TRIM45: variants seen among roughly 807,000 people sequenced by gnomAD.
TRIM45 encodes E3 ubiquitin-protein ligase TRIM45.
Under a neutral mutation model 46.7 loss-of-function variants are expected in TRIM45, and 45 were observed. The ratio of observed to expected loss-of-function variants is 0.96; its 90% confidence interval spans 0.76 to 1.24. The LOEUF (loss-of-function observed/expected upper bound fraction) is 1.24, where lower values mean the gene tolerates loss of function less well. TRIM45 is among the 50% of genes most tolerant of loss of function. The pLI is 0.00. For synonymous variants in TRIM45, 259 were observed against 285.8 expected, an observed-to-expected ratio of 0.91 and a Z score of 0.94; for missense variants, 680 against 728.4, an observed-to-expected ratio of 0.93 and a Z score of 0.77.
chr1:117,112,948 C>T (rs1650274103), intron 5 of TRIM45, among the ~76,000 whole-genome samples: 1 of 152,040 alleles, frequency 6.6e-6, no homozygotes, highest in South Asian at 2.1e-4. Context: ...CCTTTCTGTC[C>T]CCCGAAAGAC....
rs1650519648 is a variant in TRIM45, at chr1:117,118,961, A to G, written c.489-194T>C. Among the ~76,000 whole-genome samples the G allele has an allele frequency of 6.6e-6, 1 of 152,240 alleles. No homozygotes were observed. Among genetic ancestry groups the G allele is most frequent in the Non-Finnish European group, 1.5e-5 (1 of 68,042 alleles). The stretch of plus-strand genomic sequence containing the variant: ...ACAGTGGGGACAATACCTACCTGAA[A>G]GAGCTGTTGTATAGAATAACGTGTG... On this transcript the variant is annotated intron_variant, in intron 1 of 5. Transcript: ENST00000256649. This position sits in a 1 kb window ranked among gnomAD's most constrained non-coding sequence, Gnocchi z 5.7.
At chr1:117,121,894 G>T (rs915707422), upstream of TRIM45, 3 of 712,378 alleles carry the variant, frequency 4.2e-6, no homozygotes, top group Non-Finnish European at 7.8e-6. The surrounding 1 kb of genome is among the most constrained non-coding windows in gnomAD (Gnocchi z 4.2). Flanking sequence ...CCACATCTTC[G>T]CCAGTCCACT....
At position 117,117,376 on chromosome 1, in the gene TRIM45, G is replaced by C. The variant is rs1164268776; in HGVS notation, c.1223-631C>G. Among the ~76,000 whole-genome samples the C allele has an allele frequency of 6.6e-6, 1 of 152,196 alleles. No homozygotes were observed. The highest frequency in any genetic ancestry group is 1.5e-5 in the Non-Finnish European group (1 of 68,034). On this transcript the variant is annotated intron_variant, in intron 2 of 5. Coordinates refer to ENST00000256649, the MANE Select transcript of TRIM45 (RefSeq NM_025188.4). The surrounding 1 kb of genome is among the most constrained non-coding windows in gnomAD (Gnocchi z 4.9). Reference sequence around the variant, plus strand: ...CTGTAGGAGAGAACATTCTCAAAGAGATCTATGGCTTCCAAACAGTTAAGA... The same window carrying C: ...CTGTAGGAGAGAACATTCTCAAAGACATCTATGGCTTCCAAACAGTTAAGA...
At chr1:117,121,958 G>C (rs1650660966), upstream of TRIM45, 2 of 634,194 alleles carry the variant, frequency 3.2e-6, no homozygotes, top group Non-Finnish European at 5.8e-6. This position sits in a 1 kb window ranked among gnomAD's most constrained non-coding sequence, Gnocchi z 4.2. Flanking sequence ...GAAGGGCTTA[G>C]AGTGCGGCGG....
chr1:117,120,866 G>T lies in TRIM45; in HGVS notation c.336C>A (p.Thr112=). ...DLPMGGVKAL[T]IDHLAVNDVM... ...CATCATTCACGGCCAGGTGGTCTAT[G>T]GTTAAAGCCTTCACTCCACCCATGG... is the stretch of plus-strand genomic sequence containing the variant. The change falls in exon 1 of 6, where the codon ACC becomes ACA. Residue 112 remains threonine (T), a synonymous_variant. Coordinates refer to ENST00000256649, the MANE Select transcript of TRIM45 (RefSeq NM_025188.4). 6.2e-7 allele frequency: 1 copy of T among 1,614,182 alleles called. No homozygotes were observed. The highest frequency in any genetic ancestry group is 8.5e-7 in the Non-Finnish European group (1 of 1,180,038).
Position 117,116,838 on chromosome 1 carries a change from A to G in TRIM45, c.1223-93T>C. ...TTTTCTCTTCAGAACAAAGGGTTGTACTTTACTGTAACCACCCTGGGTCCC... is the reference window on the plus strand; with the variant it reads ...TTTTCTCTTCAGAACAAAGGGTTGTGCTTTACTGTAACCACCCTGGGTCCC... On this transcript the variant is annotated intron_variant, in intron 2 of 5. Coordinates refer to ENST00000256649, the MANE Select transcript of TRIM45 (RefSeq NM_025188.4). The surrounding 1 kb of genome is among the most constrained non-coding windows in gnomAD (Gnocchi z 4.6). 6.5e-7 allele frequency: 1 copy of G among 1,549,870 alleles called. No homozygotes were observed. Among genetic ancestry groups the G allele is most frequent in the Non-Finnish European group, 8.8e-7 (1 of 1,137,956 alleles).
chr1:117,121,206 C>T lies in TRIM45; in HGVS notation c.-5G>A. On this transcript the variant is annotated 5_prime_UTR_variant, in exon 1 of 6. Transcript: ENST00000256649. This position sits in a 1 kb window ranked among gnomAD's most constrained non-coding sequence, Gnocchi z 4.2. ...CGGTTTTCTGTTTTCTGACATACTC[C>T]TCACGTTTGTGACCAATATTAGAAA... is the stretch of plus-strand genomic sequence containing the variant. 3 of 1,535,046 alleles carry T rather than the reference C, an allele frequency of 2.0e-6. No individual in the cohort carries two copies. The highest frequency in any genetic ancestry group is 2.6e-6 in the Non-Finnish European group (3 of 1,147,690).
chr1:117,121,988 G>A, upstream of TRIM45: 1 of 602,080 alleles, frequency 1.7e-6, no homozygotes. The surrounding 1 kb of genome is among the most constrained non-coding windows in gnomAD (Gnocchi z 4.2). Context: ...GCCAAGGCTC[G>A]GAGCGAGCGG....
At position 117,121,608 on chromosome 1, in the gene TRIM45, G is replaced by A; in HGVS notation, c.-407C>T. Reference sequence around the variant, plus strand: ...CACGCGACAAGCGCCGACCCCACCCGCGCACGATGAGGTAGGGGCCCTCTT... The same window carrying A: ...CACGCGACAAGCGCCGACCCCACCCACGCACGATGAGGTAGGGGCCCTCTT... On this transcript the variant is annotated 5_prime_UTR_variant, in exon 1 of 6. Coordinates refer to ENST00000256649, the MANE Select transcript of TRIM45 (RefSeq NM_025188.4). This position sits in a 1 kb window ranked among gnomAD's most constrained non-coding sequence, Gnocchi z 4.2. 3.8e-6 allele frequency: 1 copy of A among 264,582 alleles called. No homozygotes were observed. The highest frequency in any genetic ancestry group is 3.3e-5 in the South Asian group (1 of 30,042). 16.4% of individuals were successfully genotyped at this position (264,582 alleles called of 1,614,324 possible). A position where few individuals can be genotyped will look rare whatever the true frequency, so the allele number is the denominator to read the frequency against.
At chr1:117,112,582 T>C in intron 5 of TRIM45, 129 bp from the exon 6 acceptor site, 1 of 918,852 alleles carries the variant, frequency 1.1e-6, no homozygotes, top group Non-Finnish European at 1.6e-6. Flanking sequence ...TAAGAAAATC[T>C]TGGCAAGAGG....
At chr1:117,121,819 CGCCGCTCCGG>C, upstream of TRIM45, 1 of 713,848 alleles carries the variant, frequency 1.4e-6, no homozygotes, top group Non-Finnish European at 2.6e-6. This position sits in a 1 kb window ranked among gnomAD's most constrained non-coding sequence, Gnocchi z 4.2. Flanking sequence ...CGGCGGCCCT[CGCCGCTCCGG>C]GCCCCGCCGC....
intron 1 of TRIM45, among the ~76,000 whole-genome samples, chr1:117,119,324 G>A (rs1650529883): frequency 6.6e-6 from 1 of 152,196 alleles, no homozygotes. Context: ...GCGTGAAACC[G>A]GCCGGGCGCG....
chr1:117,118,323 C>T lies in TRIM45; in HGVS notation c.933G>A (p.Gln311=). ...DIRAQKENSL[Q]LQKAQLEQLL... Reference sequence around the variant, plus strand: ...ACTGTTCCAGCTGGGCCTTCTGCAGCTGCAGGGAATTTTCCTTCTGGGCCC... The same window carrying T: ...ACTGTTCCAGCTGGGCCTTCTGCAGTTGCAGGGAATTTTCCTTCTGGGCCC... Residue 311 remains glutamine, a synonymous_variant, in exon 2 of 6, where the codon CAG becomes CAA. Coordinates refer to ENST00000256649, the MANE Select transcript of TRIM45 (RefSeq NM_025188.4). The surrounding 1 kb of genome is among the most constrained non-coding windows in gnomAD (Gnocchi z 5.7). 6.2e-7 allele frequency: 1 copy of T among 1,614,178 alleles called. No individual in the cohort carries two copies. Among genetic ancestry groups the T allele is most frequent in the Non-Finnish European group, 8.5e-7 (1 of 1,180,034 alleles).
Position 117,113,565 on chromosome 1 carries a change from G to T in TRIM45, c.1468-80C>A, listed in dbSNP as rs1487995243. On this transcript the variant is annotated intron_variant, in intron 4 of 5. Transcript: ENST00000256649. The surrounding 1 kb of genome is among the most constrained non-coding windows in gnomAD (Gnocchi z 4.0). ...GCTGCGCATCACTATGTGCTAAACA[G>T]AGTCTGAGGCACAGGGCCTGTCCTT... The T allele has an allele frequency of 6.5e-7, 1 of 1,531,396 alleles. No individual in the cohort carries two copies. Among genetic ancestry groups the T allele is most frequent in the Admixed American group, 1.9e-5 (1 of 52,844 alleles). 94.9% of individuals were successfully genotyped at this position (1,531,396 alleles called of 1,614,324 possible).
In TRIM45 at chr1:117,118,202, C is replaced by T; in HGVS notation, c.1054G>A (p.Glu352Lys). ...EILITKRVVVERLRKLNKVQY... is the reference protein window; with the variant it reads ...EILITKRVVVKRLRKLNKVQY... ...ACTTTGTTCAGCTTCCTGAGCCGTT[C>T]TACCACCACCCTCTTGGTGATGAGG... is the stretch of plus-strand genomic sequence containing the variant. Residue 352 changes from glutamate to lysine, a missense_variant, in exon 2 of 6, where the codon GAA becomes AAA. By Grantham distance (56) the Glu-to-Lys change is moderately conservative. This residue lies in a region of TRIM45 where 322 missense variants were observed against 359.3 expected (regional missense o/e 0.90). Coordinates refer to ENST00000256649, the MANE Select transcript of TRIM45 (RefSeq NM_025188.4). The surrounding 1 kb of genome is among the most constrained non-coding windows in gnomAD (Gnocchi z 5.7). 1 of 1,614,244 alleles carries T rather than the reference C, an allele frequency of 6.2e-7. No individual in the cohort carries two copies. Among genetic ancestry groups the T allele is most frequent in the South Asian group, 1.1e-5 (1 of 91,082 alleles).
upstream of TRIM45, chr1:117,121,843 C>T (rs1157882842): frequency 7.0e-6 from 5 of 714,774 alleles, no homozygotes; most frequent in Non-Finnish European, 1.3e-5. This position sits in a 1 kb window ranked among gnomAD's most constrained non-coding sequence, Gnocchi z 4.2. Context: ...CCGCCGCCCT[C>T]CAGAGTGACG....
chr1:117,116,391 TC>T lies in TRIM45; in HGVS notation c.1352+224del, dbSNP rs1650399672. On this transcript the variant is annotated intron_variant, in intron 3 of 5. Transcript: ENST00000256649. This position sits in a 1 kb window ranked among gnomAD's most constrained non-coding sequence, Gnocchi z 4.6. ...TGGGATTATAGGCATATGCCTCCACTCCCGGCTAATTTTTTTTTTTTTAATT... is the reference window on the plus strand; with the variant it reads ...TGGGATTATAGGCATATGCCTCCACTCCGGCTAATTTTTTTTTTTTTAATT... 6.6e-6 allele frequency among the ~76,000 whole-genome samples: 1 copy of T among 151,450 alleles called. No homozygotes were observed. The highest frequency in any genetic ancestry group is 1.5e-5 in the Non-Finnish European group (1 of 67,860).
In TRIM45 at chr1:117,116,789, C is replaced by G; in HGVS notation, c.1223-44G>C. 1.2e-6 allele frequency: 2 copies of G among 1,611,214 alleles called. No homozygotes were observed. The highest frequency in any genetic ancestry group is 1.7e-6 in the Non-Finnish European group (2 of 1,178,042). ...CGGTCCTCACCTCGAATGTAAACTG[C>G]AGTGACTACATCTCCATCTTGCTTT... On this transcript the variant is annotated intron_variant, in intron 2 of 5. Transcript: ENST00000256649. This position sits in a 1 kb window ranked among gnomAD's most constrained non-coding sequence, Gnocchi z 4.6.
rs567538545 is a variant in TRIM45, at chr1:117,120,483, A to C, written c.488+231T>G. ...AGGAAACTGTAGCTGCACTTTGTAA[A>C]TTGAAAGGGTTTATTGCTATTGCTA... On this transcript the variant is annotated intron_variant, in intron 1 of 5. Transcript: ENST00000256649. Among the ~76,000 whole-genome samples the C allele has an allele frequency of 3.5e-4, 53 of 152,346 alleles. 1 individual carries two copies. The highest frequency in any genetic ancestry group is 1.0e-3 in the African/African-American group (43 of 41,582).
Sources: gnomAD v4.1 joint callset for allele counts (sites outside exome capture counted in the v4.1 genomes callset) on GRCh38, gnomAD v4.1.1 for gene constraint, gnomAD v4.1.1 regional missense constraint, Gnocchi (gnomAD v3.1) non-coding constraint, MANE v1.5 for transcripts, NCBI Gene and HGNC (gene_info 2026-07-23, HGNC 2026-07-21) for gene names.